MRPL1: variants seen among roughly 807,000 people sequenced by gnomAD.
MRPL1 encodes mitochondrial ribosomal protein L1.
MRPL1 carries 28 observed loss-of-function variants against 38.0 expected under a neutral mutation model. The ratio of observed to expected loss-of-function variants is 0.74; its 90% confidence interval spans 0.55 to 1.01. MRPL1 has a LOEUF of 1.01. Ranked by LOEUF, MRPL1 falls within the 50% of genes least tolerant of loss-of-function variation. The pLI, the probability that MRPL1 is intolerant of heterozygous loss-of-function variation, is 0.00. For synonymous variants in MRPL1, 123 were observed against 126.7 expected (o/e 0.97, Z 0.20); for missense variants, 358 against 389.8 (o/e 0.92, Z 0.69).
intron 7 of MRPL1, among the ~76,000 whole-genome samples, chr4:77,911,346 T>C (rs1198031835): frequency 6.6e-6 from 1 of 152,188 alleles, no homozygotes. Flanking sequence ...ATCGCATTCA[T>C]TTCTTTCAAC....
chr4:77,929,093 T>C (rs1040796263), intron 7 of MRPL1, among the ~76,000 whole-genome samples: 1 of 152,234 alleles, frequency 6.6e-6, no homozygotes, highest in Admixed American at 6.5e-5. Context: ...GCCAGCCACT[T>C]TGCTGCATAG....
chr4:77,900,183 G>A (rs995473247), intron 6 of MRPL1, among the ~76,000 whole-genome samples: 1 of 152,166 alleles, frequency 6.6e-6, no homozygotes, highest in Non-Finnish European at 1.5e-5. Flanking sequence ...TACTTTAGGA[G>A]AAGCTATTCT....
chr4:77,916,924 C>T (rs953275071), intron 7 of MRPL1, among the ~76,000 whole-genome samples: 3 of 152,068 alleles, frequency 2.0e-5, no homozygotes, highest in Non-Finnish European at 4.4e-5. Context: ...TATCATTATC[C>T]AACAGTGTGT....
At chr4:77,902,676 C>T (rs755616001) in intron 6 of MRPL1, among the ~76,000 whole-genome samples, 13 of 150,676 alleles carry the variant, frequency 8.6e-5, no homozygotes, top group South Asian at 6.3e-4. Context: ...GGAATGAAAG[C>T]GGTGACATGA....
In MRPL1 at chr4:77,952,736, T is replaced by G. The variant is rs1422560474; in HGVS notation, c.*129T>G. On this transcript the variant is annotated 3_prime_UTR_variant, in exon 9 of 9. Transcript: ENST00000315567. ...GAAAGTGAACTTTAACATTGAAAAA[T>G]CGTACAGTCATTTCAAGAATAAGAA... 3.2e-6 allele frequency: 2 copies of G among 624,064 alleles called. No homozygotes were observed. Among genetic ancestry groups the G allele is most frequent in the East Asian group, 5.8e-5 (2 of 34,290 alleles). 38.7% of individuals were successfully genotyped at this position (624,064 alleles called of 1,614,324 possible). A position where few individuals can be genotyped will look rare whatever the true frequency, so the allele number is the denominator to read the frequency against.
At chr4:77,939,797 G>T (rs1737075075) in intron 7 of MRPL1, among the ~76,000 whole-genome samples, 1 of 152,136 alleles carries the variant, frequency 6.6e-6, no homozygotes, top group African/African-American at 2.4e-5. Flanking sequence ...GTTGAATAGG[G>T]TGTCCTTTCT....
At position 77,952,504 on chromosome 4, in the gene MRPL1, G is replaced by A. The variant is rs149018720; in HGVS notation, c.875G>A (p.Arg292His). ...TTGTTTCCAGGTCCCTTTGTGGTAC[G>A]TGCTTTCCTTCGTAGTTCAACAAGT... ...RPLNLGPFVVRAFLRSSTSEG... is the reference protein window; with the variant it reads ...RPLNLGPFVVHAFLRSSTSEG... The change falls in exon 9 of 9, where the codon CGT becomes CAT. Residue 292 changes from arginine (R) to histidine (H), a missense_variant. Arg to His is a conservative substitution (Grantham distance 29). Transcript: ENST00000315567. The A allele has an allele frequency of 6.8e-6, 11 of 1,612,410 alleles. No individual in the cohort carries two copies. Among genetic ancestry groups the A allele is most frequent in the African/African-American group, 5.3e-5 (4 of 74,838 alleles).
At chr4:77,893,714 A>G (rs1735854370) in intron 5 of MRPL1, among the ~76,000 whole-genome samples, 1 of 152,182 alleles carries the variant, frequency 6.6e-6, no homozygotes, top group Non-Finnish European at 1.5e-5. Context: ...TTAGGAAGCT[A>G]GTGGTTGCTA....
intron 6 of MRPL1, among the ~76,000 whole-genome samples, chr4:77,901,581 T>C (rs1173265249): frequency 6.6e-6 from 1 of 152,002 alleles, no homozygotes; most frequent in East Asian, 1.9e-4. Flanking sequence ...CTATAAGCAT[T>C]AGAGAGTTGG....
chr4:77,931,010 CA>C (rs1363985102), intron 7 of MRPL1, among the ~76,000 whole-genome samples: 2 of 152,114 alleles, frequency 1.3e-5, no homozygotes, highest in Non-Finnish European at 2.9e-5. Flanking sequence ...AAAGAAATAC[CA>C]AGAGCAAGAT....
chr4:77,948,401 T>C (rs571569688), intron 7 of MRPL1, among the ~76,000 whole-genome samples: 1 of 152,306 alleles, frequency 6.6e-6, no homozygotes, highest in East Asian at 1.9e-4. Flanking sequence ...AACTACTTGC[T>C]TCAATGTAAA....
intron 6 of MRPL1, among the ~76,000 whole-genome samples, chr4:77,901,795 A>T (rs1438083458): frequency 6.6e-6 from 1 of 152,228 alleles, no homozygotes; most frequent in East Asian, 1.9e-4. Flanking sequence ...CTGATAGAAC[A>T]TATAGACAGA....
chr4:77,911,055 T>C (rs1736275248), intron 7 of MRPL1, among the ~76,000 whole-genome samples: 1 of 152,230 alleles, frequency 6.6e-6, no homozygotes, highest in South Asian at 2.1e-4. Context: ...ACTTCAGAGA[T>C]GGCAGATTTT....
intron 7 of MRPL1, among the ~76,000 whole-genome samples, chr4:77,920,141 G>A (rs1390998464): frequency 6.6e-6 from 1 of 152,102 alleles, no homozygotes; most frequent in African/African-American, 2.4e-5. Flanking sequence ...CTTTATAAGT[G>A]CTTTGCTATC....
chr4:77,879,729 A>G (rs1335095545), intron 2 of MRPL1, among the ~76,000 whole-genome samples: 1 of 152,220 alleles, frequency 6.6e-6, no homozygotes, highest in Admixed American at 6.5e-5. Flanking sequence ...AAGTAAAAAT[A>G]TGGTTGCTCC....
intron 7 of MRPL1, among the ~76,000 whole-genome samples, chr4:77,931,770 C>G (rs910258388): frequency 2.0e-5 from 3 of 152,168 alleles, no homozygotes; most frequent in Non-Finnish European, 4.4e-5. Flanking sequence ...GAGGTCACTT[C>G]TGAATGTGAG....
chr4:77,940,755 G>T (rs1280207545), intron 7 of MRPL1, among the ~76,000 whole-genome samples: 5 of 152,088 alleles, frequency 3.3e-5, no homozygotes, highest in Non-Finnish European at 7.4e-5. Flanking sequence ...AATCATTAAG[G>T]GATGCTGACT....
At chr4:77,924,352 T>A (rs936291060) in intron 7 of MRPL1, among the ~76,000 whole-genome samples, 1 of 152,172 alleles carries the variant, frequency 6.6e-6, no homozygotes, top group Non-Finnish European at 1.5e-5. Context: ...GTCTTTCAAG[T>A]TTGAAAAAAT....
At chr4:77,867,047 C>T (rs1447718795) in intron 1 of MRPL1, among the ~76,000 whole-genome samples, 1 of 151,904 alleles carries the variant, frequency 6.6e-6, no homozygotes, top group Non-Finnish European at 1.5e-5. Flanking sequence ...TGCCTGGCCT[C>T]AAATGTCACC....
Sources: allele counts gnomAD v4.1 joint callset (sites outside exome capture counted in the v4.1 genomes callset), GRCh38; gene constraint gnomAD v4.1.1; transcripts MANE v1.5; gene names NCBI Gene and HGNC (gene_info 2026-07-23, HGNC 2026-07-21).